Variants in ARRB1 observed in about 807,000 individuals in gnomAD.
ARRB1 encodes the protein arrestin beta 1.
A neutral mutation model predicts 56.8 loss-of-function variants in ARRB1; 21 were observed. That is an observed-to-expected ratio of 0.37 (90% CI 0.26 to 0.53). The LOEUF is 0.53. Ranked by LOEUF, ARRB1 falls within the 20% of genes least tolerant of loss-of-function variation. The pLI, the probability that ARRB1 is intolerant of heterozygous loss-of-function variation, is 0.88. For missense variants in ARRB1, 424 were observed against 553.7 expected (o/e 0.77, Z 2.35); for synonymous variants, 210 against 218.6 (o/e 0.96, Z 0.35).
At chr11:75,336,665 A>T (rs1268493438) in intron 1 of ARRB1, among the ~76,000 whole-genome samples, 2 of 152,100 alleles carry the variant, frequency 1.3e-5, no homozygotes, top group Non-Finnish European at 2.9e-5. Context: ...CATGTACTGC[A>T]TGCCTGGTCC....
chr11:75,345,377 C>T (rs974984788), intron 1 of ARRB1, among the ~76,000 whole-genome samples: 1 of 152,046 alleles, frequency 6.6e-6, no homozygotes, highest in Non-Finnish European at 1.5e-5. Context: ...CCACCCTGTC[C>T]TGCCAACCCC....
intron 1 of ARRB1, among the ~76,000 whole-genome samples, chr11:75,341,470 C>A (rs1231809827): frequency 6.6e-6 from 1 of 152,148 alleles, no homozygotes; most frequent in African/African-American, 2.4e-5. Flanking sequence ...CTTACCCTCT[C>A]TGCCCACAGA....
chr11:75,332,662 C>T (rs2051492821), intron 1 of ARRB1, among the ~76,000 whole-genome samples: 1 of 152,064 alleles, frequency 6.6e-6, no homozygotes, highest in Non-Finnish European at 1.5e-5. Context: ...TTTGGGAGGC[C>T]GAGGCAGGCT....
chr11:75,293,411 G>A (rs1946653489), intron 1 of ARRB1, among the ~76,000 whole-genome samples: 1 of 152,080 alleles, frequency 6.6e-6, no homozygotes, highest in Admixed American at 6.6e-5. Context: ...CTGACTTCCT[G>A]ACCCTAACAC....
At chr11:75,350,247 G>C (rs1947826291) in intron 1 of ARRB1, among the ~76,000 whole-genome samples, 1 of 152,172 alleles carries the variant, frequency 6.6e-6, no homozygotes, top group Non-Finnish European at 1.5e-5. Context: ...CACCGGGGTG[G>C]TGTCTCTCTA....
intron 4 of ARRB1, 49 bp downstream of exon 4, chr11:75,284,186 G>T: frequency 1.3e-6 from 2 of 1,560,574 alleles, no homozygotes; most frequent in East Asian, 2.3e-5. Context: ...AGGTCCGGGG[G>T]GAAGAGGAGG....
At chr11:75,315,022 G>A (rs949431158) in intron 1 of ARRB1, among the ~76,000 whole-genome samples, 5 of 152,162 alleles carry the variant, frequency 3.3e-5, no homozygotes, top group Admixed American at 3.3e-4. Context: ...GCCTGCACTC[G>A]GGACGCCTGG....
intron 10 of ARRB1, among the ~76,000 whole-genome samples, chr11:75,275,157 A>ATTTTATTTTATTTT (rs761453235): frequency 2.7e-5 from 4 of 150,626 alleles, no homozygotes; most frequent in Non-Finnish European, 4.4e-5. Context: ...ATTTTATTTT[A>ATTTTATTTTATTTT]TTTTTTTGAG....
intron 15 of ARRB1, 87 bp from the exon 16 acceptor site, chr11:75,266,361 A>G (rs897325304): frequency 1.8e-6 from 2 of 1,126,258 alleles, no homozygotes; most frequent in Admixed American, 3.6e-5. Context: ...TGTGACTCAG[A>G]GTATGGCTCT....
intron 14 of ARRB1, among the ~76,000 whole-genome samples, chr11:75,267,936 G>C (rs550605350): frequency 3.2e-4 from 49 of 152,284 alleles, no homozygotes; most frequent in African/African-American, 1.1e-3. Flanking sequence ...AGCCCCAGAA[G>C]AACAGAAAAT....
chr11:75,336,928 T>C (rs1947614273), intron 1 of ARRB1, among the ~76,000 whole-genome samples: 1 of 152,230 alleles, frequency 6.6e-6, no homozygotes, highest in Non-Finnish European at 1.5e-5. Flanking sequence ...TGCTAAGATT[T>C]GAACTTGATC....
intron 1 of ARRB1, among the ~76,000 whole-genome samples, chr11:75,334,035 G>A (rs1400577765): frequency 2.0e-5 from 3 of 152,012 alleles, no homozygotes; most frequent in Non-Finnish European, 4.4e-5. Context: ...CACTCCCACA[G>A]AAGGTCCCAT....
At chr11:75,329,993 C>G (rs961730471) in intron 1 of ARRB1, among the ~76,000 whole-genome samples, 1 of 151,702 alleles carries the variant, frequency 6.6e-6, no homozygotes, top group African/African-American at 2.4e-5. Context: ...AGACTGAGAC[C>G]CTGTCTCTAA....
intron 6 of ARRB1, among the ~76,000 whole-genome samples, chr11:75,281,458 G>C (rs1010836236): frequency 6.6e-6 from 1 of 152,182 alleles, no homozygotes; most frequent in Non-Finnish European, 1.5e-5. Flanking sequence ...TGAGCAGACT[G>C]GGGGCGCCTA....
At chr11:75,278,778 G>A in intron 7 of ARRB1, 34 bp from the exon 8 acceptor site, 3 of 1,577,396 alleles carry the variant, frequency 1.9e-6, no homozygotes, top group Non-Finnish European at 2.6e-6. Context: ...AGAGGACCAG[G>A]GTCACCTGCC....
At chr11:75,266,353 T>A in intron 15 of ARRB1, 79 bp from the exon 16 acceptor site, 1 of 1,187,710 alleles carries the variant, frequency 8.4e-7, no homozygotes, top group Non-Finnish European at 1.3e-6. Context: ...CGGCCAGATG[T>A]GACTCAGAGT....
chr11:75,266,242 C>T lies in ARRB1; in HGVS notation c.1178G>A (p.Arg393His), dbSNP rs751812355. Residue 393 changes from arginine (R) to histidine (H), a missense_variant, in exon 16 of 16, where the codon CGC becomes CAC. Arg to His is a conservative substitution (Grantham distance 29). Coordinates refer to ENST00000420843, the MANE Select transcript of ARRB1 (RefSeq NM_004041.5). The stretch of plus-strand genomic sequence containing the variant: ...ATCCTTCATGCCTTTCAGTCTCTGG[C>T]GAGCAAAGTCCTCAAATACAATGTC... ...DDDIVFEDFARQRLKGMKDDK... is the reference protein window; with the variant it reads ...DDDIVFEDFAHQRLKGMKDDK... The T allele has an allele frequency of 6.2e-6, 10 of 1,614,130 alleles. No individual in the cohort carries two copies. Among genetic ancestry groups the T allele is most frequent in the South Asian group, 1.1e-5 (1 of 91,082 alleles).
At chr11:75,275,567 C>T (rs1385218681) in intron 10 of ARRB1, among the ~76,000 whole-genome samples, 1 of 152,132 alleles carries the variant, frequency 6.6e-6, no homozygotes, top group Non-Finnish European at 1.5e-5. Flanking sequence ...TGATCACATC[C>T]ATCATATATA....
At chr11:75,298,554 G>A (rs146070802) in intron 1 of ARRB1, among the ~76,000 whole-genome samples, 154 of 152,288 alleles carry the variant, frequency 1.0e-3, no homozygotes, top group African/African-American at 3.5e-3. Flanking sequence ...ACAGGAGTGT[G>A]GAGAAACTGG....
Sources: allele counts gnomAD v4.1 joint callset (sites outside exome capture counted in the v4.1 genomes callset), GRCh38; gene constraint gnomAD v4.1.1; transcripts MANE v1.5; gene names NCBI Gene and HGNC (gene_info 2026-07-23, HGNC 2026-07-21).